Variants in TSHZ2 observed in about 807,000 individuals in gnomAD.
TSHZ2 encodes the protein teashirt homolog 2.
Under a neutral mutation model 74.4 loss-of-function variants are expected in TSHZ2, and 21 were observed. The observed-to-expected ratio is 0.28, with a 90% CI of 0.20 to 0.41. The LOEUF (loss-of-function observed/expected upper bound fraction) is 0.41. Among genes scored for constraint, TSHZ2 ranks in the 10% least tolerant of loss-of-function variants. The pLI, the probability that TSHZ2 is intolerant of heterozygous loss-of-function variation, is 1.00. For synonymous variants in TSHZ2, 540 were observed against 515.3 expected (o/e 1.05, Z -0.65); for missense variants, 1,244 against 1,293.5 (o/e 0.96, Z 0.59).
At chr20:53,369,723 A>C (rs1981399673) in intron 2 of TSHZ2, among the ~76,000 whole-genome samples, 2 of 152,182 alleles carry the variant, frequency 1.3e-5, no homozygotes, top group Middle Eastern at 3.4e-3. Context: ...AAAAAAGAAA[A>C]AAGTCCCTGA....
At chr20:53,034,431 G>A (rs1352824939) in intron 1 of TSHZ2, among the ~76,000 whole-genome samples, 1 of 152,180 alleles carries the variant, frequency 6.6e-6, no homozygotes, top group African/African-American at 2.4e-5. Context: ...CCAGGCACTG[G>A]GTACTGGGGA....
At chr20:53,056,405 C>T (rs1018913655) in intron 1 of TSHZ2, among the ~76,000 whole-genome samples, 5 of 152,236 alleles carry the variant, frequency 3.3e-5, no homozygotes, top group East Asian at 1.9e-4. Context: ...TGGAAAACAT[C>T]GCAGTCTATT....
chr20:53,254,447 C>A lies in TSHZ2; in HGVS notation c.989C>A (p.Pro330Gln). Residue 330 changes from proline (P) to glutamine (Q), a missense_variant, in exon 2 of 3, where the codon CCG becomes CAG. Transcript: ENST00000371497. Reference sequence around the variant, plus strand: ...AAACGCGTTTTTGATGTCAATCGGCCGTGTTCCCCCGATTCAACCACAGGA... The same window carrying A: ...AAACGCGTTTTTGATGTCAATCGGCAGTGTTCCCCCGATTCAACCACAGGA... ...AKKRVFDVNR[P>Q]CSPDSTTGSF... The A allele has an allele frequency of 1.2e-6, 2 of 1,613,696 alleles. No homozygotes were observed. The highest frequency in any genetic ancestry group is 8.5e-7 in the Non-Finnish European group (1 of 1,179,636).
intron 1 of TSHZ2, among the ~76,000 whole-genome samples, chr20:53,109,057 A>T (rs371080357): frequency 2.6e-5 from 4 of 151,698 alleles, no homozygotes; most frequent in Non-Finnish European, 4.4e-5. Context: ...CCACCCTCTC[A>T]TCTCCTGACT....
chr20:53,169,010 C>G (rs1988126879), intron 1 of TSHZ2, among the ~76,000 whole-genome samples: 1 of 152,136 alleles, frequency 6.6e-6, no homozygotes, highest in Non-Finnish European at 1.5e-5. Flanking sequence ...TACAGTCTTC[C>G]CTAAACATGC....
chr20:53,280,589 C>T (rs1991036419), intron 2 of TSHZ2, among the ~76,000 whole-genome samples: 1 of 152,152 alleles, frequency 6.6e-6, no homozygotes, highest in African/African-American at 2.4e-5. Context: ...GGTATGAATG[C>T]AACCACTTAG....
At chr20:53,067,544 T>C (rs868776062) in intron 1 of TSHZ2, among the ~76,000 whole-genome samples, 5 of 152,208 alleles carry the variant, frequency 3.3e-5, no homozygotes, top group Admixed American at 1.3e-4. Context: ...GCCAAAAATA[T>C]ACATTTAGCA....
At chr20:53,325,175 G>T (rs1196606432) in intron 2 of TSHZ2, among the ~76,000 whole-genome samples, 5 of 152,076 alleles carry the variant, frequency 3.3e-5, no homozygotes, top group South Asian at 2.1e-4. Flanking sequence ...TTGGTTTTTT[G>T]ATTCTTATGT....
chr20:53,152,518 C>G (rs941418498), intron 1 of TSHZ2, among the ~76,000 whole-genome samples: 1 of 152,162 alleles, frequency 6.6e-6, no homozygotes. Flanking sequence ...CTGGTTGTTG[C>G]CACACAGAAA....
chr20:53,255,660 C>T lies in TSHZ2; in HGVS notation c.2202C>T (p.Leu734=). ...TTTCCATGTTCCACAAGTCGAATCT[C>T]AATGTCATGGACAAGCCGGTCTTGA... The part of the protein sequence containing the change: ...STISMFHKSN[L]NVMDKPVLSP... Residue 734 remains leucine, a synonymous_variant, in exon 2 of 3, where the codon CTC becomes CTT. Coordinates refer to ENST00000371497, the MANE Select transcript of TSHZ2 (RefSeq NM_173485.6). The surrounding 1 kb of genome is among the most constrained non-coding windows in gnomAD (Gnocchi z 4.1). 2 of 1,575,072 alleles carry T rather than the reference C, an allele frequency of 1.3e-6. No homozygotes were observed. The highest frequency in any genetic ancestry group is 1.7e-6 in the Non-Finnish European group (2 of 1,161,234).
intron 1 of TSHZ2, chr20:53,185,482 A>C (rs1988577761): frequency 7.3e-7 from 1 of 1,372,252 alleles, no homozygotes; most frequent in Non-Finnish European, 9.5e-7. Flanking sequence ...GTTCAAGACC[A>C]GCCTGGCCAA....
intron 2 of TSHZ2, among the ~76,000 whole-genome samples, chr20:53,269,277 TG>T (rs1990780232): frequency 6.7e-6 from 1 of 149,052 alleles, no homozygotes; most frequent in Non-Finnish European, 1.5e-5. Context: ...AATTAAGATG[TG>T]AAATGGATGG....
chr20:53,388,752 T>C (rs2145653981), intron 2 of TSHZ2, among the ~76,000 whole-genome samples: 1 of 152,144 alleles, frequency 6.6e-6, no homozygotes, highest in African/African-American at 2.4e-5. Context: ...TGGCTAATTT[T>C]GTATTTTTAG....
chr20:53,472,450 G>A (rs1985839570), intron 2 of TSHZ2, among the ~76,000 whole-genome samples: 1 of 152,110 alleles, frequency 6.6e-6, no homozygotes, highest in South Asian at 2.1e-4. Context: ...AATACAGAGG[G>A]GTACAGAATA....
intron 1 of TSHZ2, among the ~76,000 whole-genome samples, chr20:53,120,882 G>A (rs1986789497): frequency 6.6e-6 from 1 of 152,212 alleles, no homozygotes; most frequent in Non-Finnish European, 1.5e-5. Flanking sequence ...TCACTCTCCT[G>A]TGGGCTTCAT....
In TSHZ2 at chr20:53,059,752, C is replaced by T. The variant is rs1168287055; in HGVS notation, c.40+86419C>T. ...GTTCCTATTGACTTTGAAATGTTGT[C>T]CTTTTTTCTGTTTATGTATGCTTAA... On this transcript the variant is annotated intron_variant, in intron 1 of 2. Transcript: ENST00000371497. Among the ~76,000 whole-genome samples the T allele has an allele frequency of 2.6e-5, 4 of 152,274 alleles. No individual in the cohort carries two copies. In the East Asian group the frequency reaches 5.8e-4, roughly 22 times the overall value.
At chr20:53,384,519 T>C (rs1265588128) in intron 2 of TSHZ2, among the ~76,000 whole-genome samples, 2 of 152,226 alleles carry the variant, frequency 1.3e-5, no homozygotes, top group East Asian at 1.9e-4. Flanking sequence ...GACTCATGCA[T>C]TGGGTTTGCC....
At chr20:53,039,799 C>T (rs1983970602) in intron 1 of TSHZ2, among the ~76,000 whole-genome samples, 1 of 151,262 alleles carries the variant, frequency 6.6e-6, no homozygotes, top group Non-Finnish European at 1.5e-5. Context: ...CACACACACA[C>T]ACACACACAC....
chr20:53,450,239 C>G (rs1984722288), intron 2 of TSHZ2, among the ~76,000 whole-genome samples: 1 of 152,190 alleles, frequency 6.6e-6, no homozygotes, highest in South Asian at 2.1e-4. Flanking sequence ...GTCCCCATCT[C>G]CCCCTCTTTA....
Sources: allele counts gnomAD v4.1 joint callset (sites outside exome capture counted in the v4.1 genomes callset), GRCh38; gene constraint gnomAD v4.1.1; non-coding constraint Gnocchi (gnomAD v3.1); transcripts MANE v1.5; gene names NCBI Gene and HGNC (gene_info 2026-07-23, HGNC 2026-07-21).